Variants in CENPP observed in about 807,000 individuals in gnomAD.
CENPP encodes the protein centromere protein P.
Under a neutral mutation model 35.6 loss-of-function variants are expected in CENPP, and 24 were observed. That is an observed-to-expected ratio of 0.67 (90% CI 0.49 to 0.95). The LOEUF (loss-of-function observed/expected upper bound fraction) is 0.95. Ranked by LOEUF, CENPP falls within the 40% of genes least tolerant of loss-of-function variation. CENPP has a pLI of 0.00. For missense variants in CENPP, 332 were observed against 345.3 expected, an observed-to-expected ratio of 0.96 and a Z score of 0.31; for synonymous variants, 120 against 125.5, an observed-to-expected ratio of 0.96 and a Z score of 0.29.
intron 4 of CENPP, among the ~76,000 whole-genome samples, chr9:92,351,584 A>G (rs542003469): frequency 1.3e-5 from 2 of 152,168 alleles, no homozygotes; most frequent in Admixed American, 1.3e-4. Context: ...TTTGATTAAT[A>G]CTATCTAAGT....
intron 5 of CENPP, among the ~76,000 whole-genome samples, chr9:92,578,914 T>C (rs544442897): frequency 1.1e-4 from 16 of 152,374 alleles, no homozygotes; most frequent in Non-Finnish European, 1.8e-4. Flanking sequence ...GGTTTTCTTC[T>C]AGGGTTATTA....
intron 6 of CENPP, among the ~76,000 whole-genome samples, chr9:92,611,681 T>C (rs773262212): frequency 2.6e-5 from 4 of 152,024 alleles, no homozygotes; most frequent in African/African-American, 4.8e-5. Context: ...TGCTTGTGGA[T>C]CTGCTGTTAC....
chr9:92,613,738 A>G lies in CENPP; in HGVS notation c.*589A>G, dbSNP rs552536458. 6.4e-6 allele frequency: 1 copy of G among 156,366 alleles called. No individual in the cohort carries two copies. Among genetic ancestry groups the G allele is most frequent in the Admixed American group, 6.1e-5 (1 of 16,368 alleles). 9.7% of individuals were successfully genotyped at this position (156,366 alleles called of 1,614,324 possible). A position where few individuals can be genotyped will look rare whatever the true frequency, so the allele number is the denominator to read the frequency against. On this transcript the variant is annotated 3_prime_UTR_variant, in exon 8 of 8. Transcript: ENST00000375587. ...CTTAATAACAAGAATGGCCTAAGAC[A>G]GCAAAGACAGCACTGTTCCTGGGCT...
At chr9:92,532,044 TG>T (rs1848829568) in intron 5 of CENPP, among the ~76,000 whole-genome samples, 1 of 145,434 alleles carries the variant, frequency 6.9e-6, no homozygotes, top group Non-Finnish European at 1.5e-5. Flanking sequence ...ATTTTTTTTT[TG>T]AGATGAGGTC....
At chr9:92,344,527 T>C (rs1841222611) in intron 3 of CENPP, among the ~76,000 whole-genome samples, 1 of 152,050 alleles carries the variant, frequency 6.6e-6, no homozygotes, top group Non-Finnish European at 1.5e-5. Flanking sequence ...TTTCACAAGT[T>C]TATTATTTAT....
intron 5 of CENPP, among the ~76,000 whole-genome samples, chr9:92,406,506 T>TA (rs1349570810): frequency 1.3e-5 from 2 of 152,144 alleles, no homozygotes; most frequent in East Asian, 1.9e-4. Flanking sequence ...TATTACTGTG[T>TA]AAAAAACTAC....
At chr9:92,560,567 G>A (rs1384570576) in intron 5 of CENPP, among the ~76,000 whole-genome samples, 1 of 152,160 alleles carries the variant, frequency 6.6e-6, no homozygotes, top group African/African-American at 2.4e-5. Flanking sequence ...CTTGAATCAG[G>A]AGCATGGCAG....
intron 5 of CENPP, among the ~76,000 whole-genome samples, chr9:92,606,873 G>A (rs916357367): frequency 6.6e-6 from 1 of 152,150 alleles, no homozygotes; most frequent in African/African-American, 2.4e-5. Context: ...TGAGGCAGGC[G>A]AATCGCTTGA....
chr9:92,454,085 C>G (rs1844800293), intron 5 of CENPP, among the ~76,000 whole-genome samples: 1 of 152,160 alleles, frequency 6.6e-6, no homozygotes, highest in Non-Finnish European at 1.5e-5. Flanking sequence ...TGTTTTCAAT[C>G]TTTAATGGAT....
intron 5 of CENPP, among the ~76,000 whole-genome samples, chr9:92,497,847 T>C (rs958225845): frequency 6.7e-6 from 1 of 148,406 alleles, no homozygotes; most frequent in Non-Finnish European, 1.5e-5. Context: ...GTTCTTGTTC[T>C]ATTAATTCCC....
At chr9:92,417,522 A>C in intron 5 of CENPP, 1 of 1,606,962 alleles carries the variant, frequency 6.2e-7, no homozygotes, top group Non-Finnish European at 8.5e-7. Flanking sequence ...ACTCCAAAAA[A>C]GAAGAAAATA....
At chr9:92,535,873 C>A in intron 5 of CENPP, 2 of 409,022 alleles carry the variant, frequency 4.9e-6, no homozygotes, top group African/African-American at 2.1e-5. Flanking sequence ...AAATAAAATA[C>A]CCAAATATTA....
At chr9:92,452,124 TC>T (rs531037971) in intron 5 of CENPP, among the ~76,000 whole-genome samples, 52,197 of 146,916 alleles carry the variant, frequency 0.36, 10,894 homozygotes, top group African/African-American at 0.61. Flanking sequence ...GGCCAGAACT[TC>T]CAACACTATG....
intron 5 of CENPP, among the ~76,000 whole-genome samples, chr9:92,409,233 A>T (rs1364583625): frequency 2.0e-5 from 3 of 152,212 alleles, no homozygotes; most frequent in Non-Finnish European, 4.4e-5. Context: ...TGGAACATAT[A>T]AGAAACTTCA....
intron 5 of CENPP, among the ~76,000 whole-genome samples, chr9:92,573,823 G>A (rs1265120592): frequency 6.6e-6 from 1 of 152,188 alleles, no homozygotes; most frequent in Non-Finnish European, 1.5e-5. Flanking sequence ...CCAGCCTCGC[G>A]GCCGCCTTGC....
chr9:92,406,319 A>G (rs1843307634), intron 5 of CENPP, among the ~76,000 whole-genome samples: 1 of 152,220 alleles, frequency 6.6e-6, no homozygotes, highest in Non-Finnish European at 1.5e-5. Context: ...GTTGGATTAA[A>G]GAAAGTATTT....
At position 92,511,061 on chromosome 9, in the gene CENPP, G is replaced by A. The variant is rs368072486; in HGVS notation, c.565-100253G>A. On this transcript the variant is annotated intron_variant, in intron 5 of 7. Transcript: ENST00000375587. ...GCTTTTCAAACATACACATTTATGA[G>A]TTTTTGTTTACAAACATAAACCCCT... Among the ~76,000 whole-genome samples, 5 of 152,270 alleles carry A rather than the reference G, an allele frequency of 3.3e-5. No individual in the cohort carries two copies. The East Asian group carries it at 9.6e-4, about 29-fold the overall frequency.
At chr9:92,445,905 A>C (rs1844540761) in intron 5 of CENPP, among the ~76,000 whole-genome samples, 1 of 152,144 alleles carries the variant, frequency 6.6e-6, no homozygotes, top group South Asian at 2.1e-4. Context: ...GCTGTTATTA[A>C]GATAATAATA....
At chr9:92,367,398 C>G (rs1188345590) in intron 4 of CENPP, among the ~76,000 whole-genome samples, 1 of 152,040 alleles carries the variant, frequency 6.6e-6, no homozygotes, top group East Asian at 1.9e-4. Flanking sequence ...AACTCTTGGT[C>G]TTAGGTGATC....
Sources: allele counts gnomAD v4.1 joint callset (sites outside exome capture counted in the v4.1 genomes callset), GRCh38; gene constraint gnomAD v4.1.1; transcripts MANE v1.5; gene names NCBI Gene and HGNC (gene_info 2026-07-23, HGNC 2026-07-21).